The following CCDC7 variants were observed in gnomAD, a reference collection of about 807,000 sequenced individuals.
CCDC7 encodes the protein coiled-coil domain containing 7.
Under a neutral mutation model 196.9 loss-of-function variants are expected in CCDC7, and 183 were observed. That is an observed-to-expected ratio of 0.93 (90% CI 0.82 to 1.05). CCDC7 has a LOEUF of 1.05. CCDC7 is among the 50% of genes least tolerant of loss of function. The pLI, the probability that CCDC7 is intolerant of heterozygous loss-of-function variation, is 0.00. For missense variants in CCDC7, 1,540 were observed against 1,482.2 expected (o/e 1.04, Z -0.64); for synonymous variants, 525 against 484.6 (o/e 1.08, Z -1.10).
At chr10:32,455,933 T>C (rs1050410258) in intron 2 of CCDC7, among the ~76,000 whole-genome samples, 3 of 152,154 alleles carry the variant, frequency 2.0e-5, no homozygotes, top group Non-Finnish European at 4.4e-5. Context: ...TTACCTTTTA[T>C]TGGGCCACCC....
At chr10:32,640,684 GCT>G in intron 20 of CCDC7, among the ~76,000 whole-genome samples, 1 of 152,158 alleles carries the variant, frequency 6.6e-6, no homozygotes, top group Admixed American at 6.5e-5. Context: ...TCCTTCAGGA[GCT>G]CTTTTAGGGC....
intron 31 of CCDC7, among the ~76,000 whole-genome samples, chr10:32,818,383 A>C (rs1240889540): frequency 1.3e-5 from 2 of 152,198 alleles, no homozygotes; most frequent in South Asian, 2.1e-4. Context: ...CCACACAATA[A>C]TAATGGGAGA....
At chr10:32,554,831 A>G (rs2054087983) in intron 13 of CCDC7, among the ~76,000 whole-genome samples, 1 of 152,084 alleles carries the variant, frequency 6.6e-6, no homozygotes, top group Non-Finnish European at 1.5e-5. Flanking sequence ...TTTTGTACTC[A>G]TTAACCATTG....
chr10:32,481,080 A>G (rs2039882794), intron 8 of CCDC7, among the ~76,000 whole-genome samples: 1 of 152,118 alleles, frequency 6.6e-6, no homozygotes, highest in Non-Finnish European at 1.5e-5. Context: ...TTTTCATTAT[A>G]TAATAATCTT....
chr10:32,498,510 T>C (rs1474947469), intron 9 of CCDC7, among the ~76,000 whole-genome samples: 1 of 152,334 alleles, frequency 6.6e-6, no homozygotes, highest in East Asian at 1.9e-4. Flanking sequence ...GTTTTTGCAG[T>C]GGCTGGTACC....
At chr10:32,761,301 A>C (rs1342145505) in intron 28 of CCDC7, among the ~76,000 whole-genome samples, 2 of 151,992 alleles carry the variant, frequency 1.3e-5, no homozygotes, top group Non-Finnish European at 2.9e-5. Flanking sequence ...ATAAAGGAAT[A>C]AAAGGGTATA....
chr10:32,483,376 T>C (rs959475192), intron 8 of CCDC7, among the ~76,000 whole-genome samples: 3 of 152,206 alleles, frequency 2.0e-5, no homozygotes, highest in Non-Finnish European at 4.4e-5. Context: ...TTTGAGTTCA[T>C]TGTAGATTCT....
chr10:32,566,196 C>T (rs542364087), intron 14 of CCDC7, among the ~76,000 whole-genome samples: 6 of 152,216 alleles, frequency 3.9e-5, no homozygotes, highest in South Asian at 2.1e-4. Context: ...CAACCTTTCA[C>T]GTACTTCTAT....
At chr10:32,814,330 G>A in intron 30 of CCDC7, 40 bp from the exon 32 acceptor site, 1 of 1,301,234 alleles carries the variant, frequency 7.7e-7, no homozygotes, top group South Asian at 1.2e-5. Context: ...GTGTATAAAT[G>A]ATTACCTTAC....
intron 39 of CCDC7, 62 bp from the exon 41 acceptor site, chr10:32,851,745 T>A: frequency 2.1e-6 from 3 of 1,442,658 alleles, no homozygotes; most frequent in Non-Finnish European, 2.9e-6. Context: ...ACTGTGTGAG[T>A]ATTAAAAATA....
chr10:32,716,636 C>G (rs945032307), intron 25 of CCDC7, among the ~76,000 whole-genome samples: 1 of 152,162 alleles, frequency 6.6e-6, no homozygotes, highest in African/African-American at 2.4e-5. Context: ...CATTGGTGTG[C>G]TGTATTCAGG....
intron 29 of CCDC7, among the ~76,000 whole-genome samples, chr10:32,801,691 T>A (rs2084825825): frequency 6.6e-6 from 1 of 152,072 alleles, no homozygotes; most frequent in South Asian, 2.1e-4. Flanking sequence ...AACAGGGGTG[T>A]TGGGAGTGGG....
chr10:32,876,639 T>C (rs2094603614), downstream of CCDC7: 2 of 347,162 alleles, frequency 5.8e-6, no homozygotes, highest in Admixed American at 4.7e-5. Context: ...AAAGAAGTTA[T>C]GCAATTATCT....
At chr10:32,683,271 T>A (rs2076067376) in intron 21 of CCDC7, among the ~76,000 whole-genome samples, 1 of 152,204 alleles carries the variant, frequency 6.6e-6, no homozygotes, top group African/African-American at 2.4e-5. Flanking sequence ...TGTTGCTTGG[T>A]TTGCCAGCTT....
In CCDC7 at chr10:32,553,404, C is replaced by G. The variant is rs1015873687; in HGVS notation, c.1134+9103C>G. 2.6e-5 allele frequency among the ~76,000 whole-genome samples: 4 copies of G among 152,166 alleles called. No homozygotes were observed. In the East Asian group the frequency reaches 7.7e-4, roughly 29 times the overall value. ...CCCTTAATAACTAACCTCCGGAATT[C>G]TTTTTCAGGTAAAGCCGGGATTTCT... On this transcript the variant is annotated intron_variant, in intron 13 of 41. Transcript: ENST00000639629.
intron 28 of CCDC7, among the ~76,000 whole-genome samples, chr10:32,777,258 C>T (rs2080216621): frequency 6.6e-6 from 1 of 152,178 alleles, no homozygotes; most frequent in Non-Finnish European, 1.5e-5. Context: ...ATATGTACCA[C>T]ATTTTCTATA....
chr10:32,618,651 A>G (rs560880886), intron 18 of CCDC7, among the ~76,000 whole-genome samples: 101 of 151,966 alleles, frequency 6.6e-4, no homozygotes, highest in African/African-American at 2.3e-3. Context: ...TCTGGCCCAT[A>G]AGTCTTCTGT....
chr10:32,876,314 T>G (rs1429186158), intron 41 of CCDC7, 33 bp from the exon 43 acceptor site: 1 of 1,570,644 alleles, frequency 6.4e-7, no homozygotes, highest in East Asian at 2.3e-5. Context: ...AAATTAAACT[T>G]TTTTTCAATT....
At chr10:32,702,470 G>A (rs1228905386) in intron 24 of CCDC7, among the ~76,000 whole-genome samples, 3 of 152,212 alleles carry the variant, frequency 2.0e-5, no homozygotes, top group African/African-American at 7.2e-5. Flanking sequence ...TAGGTGTGGT[G>A]TGATGCTGAG....
Sources: gnomAD v4.1 joint callset for allele counts (sites outside exome capture counted in the v4.1 genomes callset) on GRCh38, gnomAD v4.1.1 for gene constraint, MANE v1.5 for transcripts, NCBI Gene and HGNC (gene_info 2026-07-23, HGNC 2026-07-21) for gene names.